DOLPP1: variants seen among roughly 807,000 people sequenced by gnomAD.
DOLPP1 encodes the protein dolichyl pyrophosphate phosphatase 1.
Under a neutral mutation model 34.1 loss-of-function variants are expected in DOLPP1, and 15 were observed. The ratio of observed to expected loss-of-function variants is 0.44; its 90% CI spans 0.29 to 0.68. DOLPP1 has a LOEUF of 0.68. Among genes scored for constraint, DOLPP1 ranks in the 30% least tolerant of loss-of-function variants. DOLPP1 has a pLI of 0.12. For synonymous variants in DOLPP1, 130 were observed against 128.2 expected (o/e 1.01, Z -0.10); for missense variants, 249 against 307.1 (o/e 0.81, Z 1.41).
intron 2 of DOLPP1, 110 bp from the exon 3 acceptor site, chr9:129,084,913 G>A: frequency 7.4e-7 from 1 of 1,343,626 alleles, no homozygotes; most frequent in Non-Finnish European, 1.0e-6. Flanking sequence ...CTGGTTCTAG[G>A]TTACTCACCT....
chr9:129,089,057 T>C lies in DOLPP1; in HGVS notation c.*50T>C, dbSNP rs753042522. The C allele has an allele frequency of 1.3e-6, 2 of 1,594,560 alleles. No individual in the cohort carries two copies. The highest frequency in any genetic ancestry group is 1.7e-5 in the Admixed American group (1 of 59,900). ...CTCCAGATCTGGCCCGCACGATGCC[T>C]TGCAGGATGGACAGGATGACAGACA... is the stretch of plus-strand genomic sequence containing the variant. On this transcript the variant is annotated 3_prime_UTR_variant, in exon 8 of 8. Transcript: ENST00000372546. The surrounding 1 kb of genome is among the most constrained non-coding windows in gnomAD (Gnocchi z 4.9).
At chr9:129,087,191 G>C (rs773955122) in intron 7 of DOLPP1, among the ~76,000 whole-genome samples, 2 of 152,212 alleles carry the variant, frequency 1.3e-5, no homozygotes, top group Admixed American at 6.5e-5. Flanking sequence ...TAGGAGGCCA[G>C]CCTGTAGTTG....
intron 1 of DOLPP1, among the ~76,000 whole-genome samples, chr9:129,081,468 C>T (rs1019297100): frequency 1.9e-4 from 29 of 152,238 alleles, no homozygotes; most frequent in African/African-American, 6.7e-4. Flanking sequence ...CCCGGGGCGC[C>T]GGTGGGCTGA....
intron 7 of DOLPP1, among the ~76,000 whole-genome samples, chr9:129,088,132 G>C (rs1847027452): frequency 7.1e-6 from 1 of 140,356 alleles, no homozygotes. Flanking sequence ...TGGGAGCTGG[G>C]GGTGGGGGGA....
At position 129,081,111 on chromosome 9, in the gene DOLPP1, G is replaced by A. The variant is rs528132835; in HGVS notation, c.-21G>A. 25 of 1,604,108 alleles carry A rather than the reference G, an allele frequency of 1.6e-5. No individual in the cohort carries two copies. The South Asian group carries it at 2.4e-4, about 16-fold the overall frequency. On this transcript the variant is annotated 5_prime_UTR_variant, in exon 1 of 8. Transcript: ENST00000372546. ...CCTGGCTCCCCATTGGCTGCTCGAAGAAGCCCGGTCTCCGGGTAAGATGGC... is the reference window on the plus strand; with the variant it reads ...CCTGGCTCCCCATTGGCTGCTCGAAAAAGCCCGGTCTCCGGGTAAGATGGC...
At position 129,085,170 on chromosome 9, in the gene DOLPP1, A is replaced by C. The variant is rs1846964496; in HGVS notation, c.263-37A>C. On this transcript the variant is annotated intron_variant, in intron 3 of 7. Coordinates refer to ENST00000372546, the MANE Select transcript of DOLPP1 (RefSeq NM_020438.5). This position sits in a 1 kb window ranked among gnomAD's most constrained non-coding sequence, Gnocchi z 7.0. ...GTTGGGGCGTTACTGGGAGGTCTGC[A>C]TCCCCCCGTGATGCCCTGGTCTCCT... 2.5e-6 allele frequency: 4 copies of C among 1,611,996 alleles called. No individual in the cohort carries two copies. The highest frequency in any genetic ancestry group is 1.1e-5 in the South Asian group (1 of 91,000).
At chr9:129,088,581 C>T (rs1254535867) in intron 7 of DOLPP1, among the ~76,000 whole-genome samples, 1 of 152,184 alleles carries the variant, frequency 6.6e-6, no homozygotes, top group African/African-American at 2.4e-5. Context: ...GAGCTCACTA[C>T]ATTTCTGTAC....
Position 129,085,402 on chromosome 9 carries a change from A to AG in DOLPP1, c.362+100dup. ...GCCCTTTGGATGCCCCTGGGGTGGG[A>AG]GGGGCTGCAGCGGAGGCAGAAGGTA... is the stretch of plus-strand genomic sequence containing the variant. On this transcript the variant is annotated intron_variant, in intron 4 of 7. Coordinates refer to ENST00000372546, the MANE Select transcript of DOLPP1 (RefSeq NM_020438.5). The surrounding 1 kb of genome is among the most constrained non-coding windows in gnomAD (Gnocchi z 7.0). The AG allele has an allele frequency of 1.3e-6, 2 of 1,511,448 alleles. No homozygotes were observed. The highest frequency in any genetic ancestry group is 2.7e-5 in the African/African-American group (2 of 72,918). The allele number at this position is 1,511,448 out of a possible 1,614,324, so 93.6% of individuals were successfully genotyped here. A position where few individuals can be genotyped will look rare whatever the true frequency, so the allele number is the denominator to read the frequency against.
chr9:129,085,172 C>T lies in DOLPP1; in HGVS notation c.263-35C>T, dbSNP rs760440438. 1 of 1,611,718 alleles carries T rather than the reference C, an allele frequency of 6.2e-7. No homozygotes were observed. The highest frequency in any genetic ancestry group is 2.2e-5 in the East Asian group (1 of 44,864). ...TGGGGCGTTACTGGGAGGTCTGCAT[C>T]CCCCCGTGATGCCCTGGTCTCCTCT... On this transcript the variant is annotated intron_variant, in intron 3 of 7. Transcript: ENST00000372546. The surrounding 1 kb of genome is among the most constrained non-coding windows in gnomAD (Gnocchi z 7.0).
intron 1 of DOLPP1, among the ~76,000 whole-genome samples, chr9:129,081,542 C>T (rs1389299619): frequency 1.3e-5 from 2 of 152,208 alleles, no homozygotes; most frequent in African/African-American, 2.4e-5. Context: ...CCCTTCTTCC[C>T]CGCCCTCCCC....
Position 129,086,247 on chromosome 9 carries a change from G to A in DOLPP1, c.570G>A (p.Leu190=), listed in dbSNP as rs372173991. 166 of 1,613,288 alleles carry A rather than the reference G, an allele frequency of 1.0e-4. No individual in the cohort carries two copies. Among genetic ancestry groups the A allele is most frequent in the Non-Finnish European group, 1.2e-4 (143 of 1,179,964 alleles). The stretch of plus-strand genomic sequence containing the variant: ...TCACCCAGGAGGTCCTCACCCCGCT[G>A]TTCCCCAGGATAGCAGCCTGGTAAC... ...FIFTQEVLTP[L]FPRIAAWPVS... is the part of the protein sequence containing the mutation. Residue 190 remains leucine (L), a synonymous_variant, in exon 6 of 8, where the codon CTG becomes CTA. Coordinates refer to ENST00000372546, the MANE Select transcript of DOLPP1 (RefSeq NM_020438.5).
chr9:129,084,747 A>G lies in DOLPP1; in HGVS notation c.156A>G (p.Ile52Met), dbSNP rs949490712. The G allele has an allele frequency of 6.8e-6, 11 of 1,613,126 alleles. No homozygotes were observed. Among genetic ancestry groups the G allele is most frequent in the Non-Finnish European group, 9.3e-6 (11 of 1,179,198 alleles). Residue 52 changes from isoleucine (I) to methionine (M), a missense_variant, in exon 2 of 8, where the codon ATA (isoleucine) becomes ATG (methionine). Transcript: ENST00000372546. The part of the protein sequence containing the change: ...FVIVGFVTLI[I>M]FKRELHTISF... The stretch of plus-strand genomic sequence containing the variant: ...TCGTCGGTTTCGTGACCCTCATCAT[A>G]TTTAAGCGGGAGCTGCACACGGTGA...
rs367785785 is a variant in DOLPP1 at position 129,089,047 on chromosome 9, G to T, written c.*40G>T. The stretch of plus-strand genomic sequence containing the variant: ...TGGGTCCAGCCTCCAGATCTGGCCC[G>T]CACGATGCCTTGCAGGATGGACAGG... On this transcript the variant is annotated 3_prime_UTR_variant, in exon 8 of 8. Transcript: ENST00000372546. This position sits in a 1 kb window ranked among gnomAD's most constrained non-coding sequence, Gnocchi z 4.9. 2 of 1,606,546 alleles carry T rather than the reference G, an allele frequency of 1.2e-6. No homozygotes were observed. The highest frequency in any genetic ancestry group is 2.7e-5 in the African/African-American group (2 of 74,762).
At chr9:129,081,386 A>T (rs905946693) in intron 1 of DOLPP1, among the ~76,000 whole-genome samples, 179 bp downstream of exon 1, 4 of 152,050 alleles carry the variant, frequency 2.6e-5, no homozygotes, top group Admixed American at 1.3e-4. Context: ...TGGTGCGAGG[A>T]TGAGCTGGGC....
At chr9:129,088,501 GGT>G (rs1847036164) in intron 7 of DOLPP1, among the ~76,000 whole-genome samples, 1 of 152,090 alleles carries the variant, frequency 6.6e-6, no homozygotes, top group South Asian at 2.1e-4. Context: ...GCCCAAATTG[GGT>G]GCTCAAATCC....
chr9:129,084,029 G>A (rs1339321619), intron 1 of DOLPP1, among the ~76,000 whole-genome samples: 3 of 152,242 alleles, frequency 2.0e-5, no homozygotes, highest in African/African-American at 7.2e-5. Context: ...GTAATCAATA[G>A]GTAGGCAGTT....
intron 7 of DOLPP1, among the ~76,000 whole-genome samples, chr9:129,087,828 GGGCAGGCAATC>G (rs1280581829): frequency 6.6e-6 from 1 of 152,024 alleles, no homozygotes; most frequent in African/African-American, 2.4e-5. Context: ...GAGGGGGTTA[GGGCAGGCAATC>G]CTATTAGAGG....
At chr9:129,084,912 GGTTACTCACCT>G in intron 2 of DOLPP1, 100 bp from the exon 3 acceptor site, 1 of 1,340,744 alleles carries the variant, frequency 7.5e-7, no homozygotes, top group Non-Finnish European at 1.0e-6. Context: ...GCTGGTTCTA[GGTTACTCACCT>G]GTTGGGCTGG....
chr9:129,081,111 G>C lies in DOLPP1; in HGVS notation c.-21G>C, dbSNP rs528132835. On this transcript the variant is annotated 5_prime_UTR_variant, in exon 1 of 8. Transcript: ENST00000372546. Reference sequence around the variant, plus strand: ...CCTGGCTCCCCATTGGCTGCTCGAAGAAGCCCGGTCTCCGGGTAAGATGGC... The same window carrying C: ...CCTGGCTCCCCATTGGCTGCTCGAACAAGCCCGGTCTCCGGGTAAGATGGC... 6.2e-7 allele frequency: 1 copy of C among 1,603,990 alleles called. No individual in the cohort carries two copies. The highest frequency in any genetic ancestry group is 8.5e-7 in the Non-Finnish European group (1 of 1,178,528).
Sources: allele counts gnomAD v4.1 joint callset (sites outside exome capture counted in the v4.1 genomes callset), GRCh38; gene constraint gnomAD v4.1.1; non-coding constraint Gnocchi (gnomAD v3.1); transcripts MANE v1.5; gene names NCBI Gene and HGNC (gene_info 2026-07-23, HGNC 2026-07-21).